Variants in PDE11A observed in about 807,000 individuals in gnomAD.
PDE11A encodes phosphodiesterase 11A, also known as dual 3',5'-cyclic-AMP and -GMP phosphodiesterase 11A.
PDE11A carries 100 observed loss-of-function variants against 100.5 expected under a neutral mutation model. That is an observed-to-expected ratio of 1.00 (90% CI 0.85 to 1.18). The LOEUF is 1.18. PDE11A is among the 50% of genes most tolerant of loss of function. The probability of loss-of-function intolerance (pLI) is 0.00; values close to 1 mark genes in which losing one functional copy is unlikely to be tolerated. For synonymous variants in PDE11A, 381 were observed against 420.8 expected (o/e 0.91, Z 1.16); for missense variants, 1,141 against 1,152.6 (o/e 0.99, Z 0.15).
At chr2:178,064,854 C>T (rs555349641) in intron 1 of PDE11A, among the ~76,000 whole-genome samples, 50 of 149,788 alleles carry the variant, frequency 3.3e-4, no homozygotes, top group Non-Finnish European at 6.1e-4. Context: ...CTTTTTTTTT[C>T]TTCAGGAAAA....
At chr2:177,946,937 C>G (rs1574300327) in intron 2 of PDE11A, among the ~76,000 whole-genome samples, 4 of 102,814 alleles carry the variant, frequency 3.9e-5, no homozygotes, top group East Asian at 3.1e-4. Flanking sequence ...CTCTGCCCGG[C>G]CAGCCGCCCC....
At chr2:177,884,592 G>A (rs568964565) in intron 4 of PDE11A, among the ~76,000 whole-genome samples, 7 of 152,306 alleles carry the variant, frequency 4.6e-5, no homozygotes, top group South Asian at 2.1e-4. Context: ...GAGGAGAACC[G>A]CAAGTTAAGT....
chr2:178,050,237 A>G (rs1426092724), intron 1 of PDE11A, among the ~76,000 whole-genome samples: 1 of 152,224 alleles, frequency 6.6e-6, no homozygotes, highest in African/African-American at 2.4e-5. Flanking sequence ...CCAGGCAAAC[A>G]GGGTCTGGGG....
intron 2 of PDE11A, among the ~76,000 whole-genome samples, chr2:178,093,908 G>A (rs2087455763): frequency 6.6e-6 from 1 of 152,074 alleles, no homozygotes; most frequent in Non-Finnish European, 1.5e-5. Flanking sequence ...CATAACCCCA[G>A]GCCTGCCAGT....
At chr2:177,677,328 G>T (rs751283856) in intron 16 of PDE11A, among the ~76,000 whole-genome samples, 1 of 152,266 alleles carries the variant, frequency 6.6e-6, no homozygotes, top group Non-Finnish European at 1.5e-5. Flanking sequence ...GCTCAGAAAC[G>T]TTAGGTAACT....
At chr2:177,741,271 G>A (rs548183454) in intron 10 of PDE11A, among the ~76,000 whole-genome samples, 2 of 152,010 alleles carry the variant, frequency 1.3e-5, no homozygotes, top group East Asian at 1.9e-4. Flanking sequence ...GTGCTCACAC[G>A]GCCTTCTCTC....
chr2:177,885,761 T>A (rs963079854), intron 4 of PDE11A, among the ~76,000 whole-genome samples: 1 of 152,010 alleles, frequency 6.6e-6, no homozygotes, highest in Non-Finnish European at 1.5e-5. Context: ...TCCCCTTGAG[T>A]GTAGGATTCA....
At chr2:177,848,059 T>A (rs1046873988) in intron 5 of PDE11A, among the ~76,000 whole-genome samples, 1 of 152,108 alleles carries the variant, frequency 6.6e-6, no homozygotes, top group Non-Finnish European at 1.5e-5. Flanking sequence ...AAAAATGGCA[T>A]AGAATTCTTA....
At chr2:177,692,254 T>G (rs1361419971) in intron 15 of PDE11A, among the ~76,000 whole-genome samples, 2 of 152,212 alleles carry the variant, frequency 1.3e-5, no homozygotes, top group Admixed American at 6.5e-5. Context: ...TTGATTTACA[T>G]GCAGATAAAT....
At chr2:177,928,570 T>G (rs1248559762) in intron 2 of PDE11A, among the ~76,000 whole-genome samples, 1 of 152,200 alleles carries the variant, frequency 6.6e-6, no homozygotes, top group Non-Finnish European at 1.5e-5. Context: ...CTCCAGTTCC[T>G]ATATAAGTTC....
intron 1 of PDE11A, among the ~76,000 whole-genome samples, chr2:178,042,472 T>C (rs1036444566): frequency 2.1e-5 from 1 of 47,398 alleles, no homozygotes; most frequent in African/African-American, 5.3e-5. Flanking sequence ...AGCAAGACTC[T>C]GTCTCAAAAA....
At chr2:178,102,797 C>T (rs2087575832) in intron 2 of PDE11A, among the ~76,000 whole-genome samples, 1 of 152,082 alleles carries the variant, frequency 6.6e-6, no homozygotes. Context: ...ATGTTGAGGT[C>T]CTAACCCCTG....
chr2:177,962,264 C>T (rs1235773423), intron 2 of PDE11A, among the ~76,000 whole-genome samples: 1 of 151,868 alleles, frequency 6.6e-6, no homozygotes, highest in Non-Finnish European at 1.5e-5. Context: ...CTTCACATTC[C>T]ACAGTGTTTT....
intron 2 of PDE11A, among the ~76,000 whole-genome samples, chr2:177,910,420 CTCTCTCTCTA>C (rs2084860839): frequency 1.1e-5 from 1 of 87,312 alleles, no homozygotes. Flanking sequence ...CTGTCTCTCT[CTCTCTCTCTA>C]TATATATATA....
At chr2:177,810,085 G>C (rs111654555) in intron 9 of PDE11A, among the ~76,000 whole-genome samples, 1 of 119,924 alleles carries the variant, frequency 8.3e-6, no homozygotes, top group Non-Finnish European at 1.7e-5. Flanking sequence ...AAATAAAAGC[G>C]CAACTCTGTA....
chr2:177,852,589 T>C (rs2105651123), intron 5 of PDE11A, among the ~76,000 whole-genome samples: 1 of 152,266 alleles, frequency 6.6e-6, no homozygotes, highest in East Asian at 1.9e-4. Context: ...ATTAGGGAAC[T>C]AAGTAAATAC....
At chr2:177,747,546 A>G (rs562508178) in intron 10 of PDE11A, among the ~76,000 whole-genome samples, 26 of 152,342 alleles carry the variant, frequency 1.7e-4, no homozygotes, top group African/African-American at 6.3e-4. Context: ...TAAAGAAGTC[A>G]ATTCTGGCGG....
At chr2:177,939,061 G>C (rs1184822462) in intron 2 of PDE11A, among the ~76,000 whole-genome samples, 1 of 152,188 alleles carries the variant, frequency 6.6e-6, no homozygotes, top group Admixed American at 6.5e-5. Context: ...ATACATTTCT[G>C]TTGTTTAAGC....
chr2:177,935,947 G>A (rs2085267135), intron 2 of PDE11A, among the ~76,000 whole-genome samples: 1 of 152,114 alleles, frequency 6.6e-6, no homozygotes, highest in Non-Finnish European at 1.5e-5. Flanking sequence ...TGATGTGTCT[G>A]GGAACATAAA....
Sources: allele counts gnomAD v4.1 joint callset (sites outside exome capture counted in the v4.1 genomes callset), GRCh38; gene constraint gnomAD v4.1.1; transcripts MANE v1.5; gene names NCBI Gene and HGNC (gene_info 2026-07-23, HGNC 2026-07-21).